Variants in STXBP5L observed in about 807,000 individuals in gnomAD.
The protein encoded by STXBP5L is syntaxin-binding protein 5-like.
A neutral mutation model predicts 144.5 loss-of-function variants in STXBP5L; 65 were observed. The observed-to-expected ratio is 0.45, with a 90% CI of 0.37 to 0.55. The LOEUF (loss-of-function observed/expected upper bound fraction) is 0.55, where lower values mean the gene tolerates loss of function less well. Among genes scored for constraint, STXBP5L ranks in the 20% least tolerant of loss-of-function variants. The probability of loss-of-function intolerance (pLI) is 0.00; values close to 1 mark genes in which losing one functional copy is unlikely to be tolerated. For missense variants in STXBP5L, 1,298 were observed against 1,405.5 expected (o/e 0.92, Z 1.22); for synonymous variants, 505 against 469.6 (o/e 1.08, Z -0.97).
intron 9 of STXBP5L, among the ~76,000 whole-genome samples, chr3:121,202,041 C>T (rs1181051455): frequency 6.6e-6 from 1 of 152,116 alleles, no homozygotes; most frequent in East Asian, 1.9e-4. Flanking sequence ...CAGGAATCAG[C>T]CATTGTGCTC....
At chr3:121,004,696 A>G (rs1400845596) in intron 3 of STXBP5L, among the ~76,000 whole-genome samples, 1 of 152,112 alleles carries the variant, frequency 6.6e-6, no homozygotes, top group Non-Finnish European at 1.5e-5. Context: ...TTTGTCATAG[A>G]TAGCTCTTCT....
chr3:121,368,532 CTT>C (rs2045933030), intron 20 of STXBP5L, among the ~76,000 whole-genome samples: 2 of 151,202 alleles, frequency 1.3e-5, no homozygotes, highest in South Asian at 2.1e-4. Flanking sequence ...TTCCCTGTCT[CTT>C]TGTGTACATT....
chr3:121,270,736 A>G (rs2108418092), intron 18 of STXBP5L, among the ~76,000 whole-genome samples: 1 of 152,304 alleles, frequency 6.6e-6, no homozygotes, highest in Middle Eastern at 3.4e-3. Context: ...TACAGGCGTG[A>G]GCCACTGTGC....
intron 9 of STXBP5L, among the ~76,000 whole-genome samples, chr3:121,192,747 G>T (rs937509008): frequency 6.6e-5 from 10 of 152,182 alleles, no homozygotes; most frequent in Non-Finnish European, 1.3e-4. Flanking sequence ...AATAAATGGT[G>T]CTGGGAAAAC....
Position 121,223,037 on chromosome 3 carries a change from T to C in STXBP5L, c.991T>C (p.Tyr331His), listed in dbSNP as rs1412358901. The C allele has an allele frequency of 1.9e-6, 3 of 1,611,856 alleles. No homozygotes were observed. Among genetic ancestry groups the C allele is most frequent in the Admixed American group, 1.7e-5 (1 of 59,516 alleles). ...PFIIFSGGLS[Y>H]DKACRRPSLT... ...CATAATATTCTCTGGTGGGCTGTCC[T>C]ATGACAAAGCTTGTAGAAGACCAAG... is the stretch of plus-strand genomic sequence containing the variant. Residue 331 changes from tyrosine (Y) to histidine (H), a missense_variant, in exon 11 of 27, where the codon TAT becomes CAT. Transcript: ENST00000471454.
intron 9 of STXBP5L, among the ~76,000 whole-genome samples, chr3:121,194,548 G>A (rs1315279747): frequency 1.3e-5 from 2 of 151,686 alleles, no homozygotes; most frequent in Non-Finnish European, 2.9e-5. Flanking sequence ...AACATTTAGA[G>A]GACATAACAG....
At chr3:121,248,251 A>C (rs2049919842) in intron 14 of STXBP5L, among the ~76,000 whole-genome samples, 1 of 152,078 alleles carries the variant, frequency 6.6e-6, no homozygotes, top group Non-Finnish European at 1.5e-5. Flanking sequence ...TTTAGTAGAG[A>C]CAGGGTTTCA....
chr3:121,186,730 A>T (rs1358378978), intron 9 of STXBP5L, among the ~76,000 whole-genome samples: 1 of 152,210 alleles, frequency 6.6e-6, no homozygotes, highest in Middle Eastern at 3.2e-3. Context: ...ATTGACAAAC[A>T]ACCCCATCAA....
At chr3:121,406,921 A>T (rs989114721) in intron 22 of STXBP5L, among the ~76,000 whole-genome samples, 1 of 151,974 alleles carries the variant, frequency 6.6e-6, no homozygotes, top group African/African-American at 2.4e-5. Context: ...TAGGAATCAG[A>T]AAAATCTGAG....
At chr3:121,191,737 G>A (rs753996529) in intron 9 of STXBP5L, among the ~76,000 whole-genome samples, 2 of 152,106 alleles carry the variant, frequency 1.3e-5, no homozygotes, top group Admixed American at 6.6e-5. Context: ...AGAAAATGTG[G>A]CACATATACA....
intron 3 of STXBP5L, among the ~76,000 whole-genome samples, chr3:121,034,548 CT>C (rs1473646271): frequency 1.2e-4 from 18 of 148,830 alleles, no homozygotes; most frequent in Admixed American, 2.8e-4. Context: ...TATCTATCAT[CT>C]ATCTATCCAT....
At chr3:121,007,230 A>G (rs1261809033) in intron 3 of STXBP5L, among the ~76,000 whole-genome samples, 3 of 152,082 alleles carry the variant, frequency 2.0e-5, no homozygotes, top group Non-Finnish European at 4.4e-5. Context: ...CATTTCTGTG[A>G]TAAGCCCCCT....
At chr3:121,258,767 T>C (rs951304157) in intron 17 of STXBP5L, among the ~76,000 whole-genome samples, 1 of 152,078 alleles carries the variant, frequency 6.6e-6, no homozygotes, top group African/African-American at 2.4e-5. Context: ...ATAATAAAAA[T>C]AACTTAAAAT....
chr3:121,279,127 A>G (rs1251657735), intron 18 of STXBP5L, among the ~76,000 whole-genome samples: 1 of 151,862 alleles, frequency 6.6e-6, no homozygotes, highest in Non-Finnish European at 1.5e-5. Context: ...ATGGAGAAAA[A>G]TAAGAGTTAA....
chr3:121,133,494 A>C (rs2045093867), intron 7 of STXBP5L, among the ~76,000 whole-genome samples: 3 of 152,168 alleles, frequency 2.0e-5, no homozygotes, highest in Admixed American at 2.0e-4. Context: ...TCCTAAAAGA[A>C]AAAAAATACT....
intron 19 of STXBP5L, among the ~76,000 whole-genome samples, chr3:121,317,220 T>TA (rs1344639884): frequency 6.6e-6 from 1 of 152,146 alleles, no homozygotes; most frequent in Non-Finnish European, 1.5e-5. Context: ...TTCAATGAAG[T>TA]AAAAAATAGA....
intron 3 of STXBP5L, among the ~76,000 whole-genome samples, chr3:121,037,663 A>G (rs933306100): frequency 6.6e-6 from 1 of 152,074 alleles, no homozygotes; most frequent in Non-Finnish European, 1.5e-5. Flanking sequence ...TTAGAGTAAA[A>G]GTATTTTTAT....
At position 121,114,714 on chromosome 3, in the gene STXBP5L, G is replaced by A. The variant is rs552968495; in HGVS notation, c.471-211G>A. On this transcript the variant is annotated intron_variant, in intron 5 of 26. Coordinates refer to ENST00000471454, the MANE Select transcript of STXBP5L (RefSeq NM_001308330.2). ...AATAATGTAAATTAATGCCCATATA[G>A]GCACTTATTAATAGTGCTTATTAAC... Among the ~76,000 whole-genome samples, 3 of 152,046 alleles carry A rather than the reference G, an allele frequency of 2.0e-5. No homozygotes were observed. The South Asian group carries it at 6.2e-4, about 32-fold the overall frequency.
intron 10 of STXBP5L, among the ~76,000 whole-genome samples, chr3:121,211,625 C>G (rs2048571914): frequency 7.7e-6 from 1 of 129,582 alleles, no homozygotes; most frequent in Non-Finnish European, 1.5e-5. Context: ...TGTCACCAGG[C>G]TGGAGTGCAG....
Sources: allele counts gnomAD v4.1 joint callset (sites outside exome capture counted in the v4.1 genomes callset), GRCh38; gene constraint gnomAD v4.1.1; transcripts MANE v1.5; gene names NCBI Gene and HGNC (gene_info 2026-07-23, HGNC 2026-07-21).